Variants in ACER2 observed in about 807,000 individuals in gnomAD.
ACER2 encodes the protein alkaline ceramidase 2.
In ACER2, 26 loss-of-function variants were observed where a neutral mutation model predicts 34.7. The observed-to-expected ratio is 0.75, with a 90% CI of 0.55 to 1.04. ACER2 has a LOEUF of 1.04. ACER2 is among the 50% of genes least tolerant of loss of function. ACER2 has a pLI of 0.00. For synonymous variants in ACER2, 138 were observed against 132.1 expected (o/e 1.04, Z -0.31); for missense variants, 352 against 340.8 (o/e 1.03, Z -0.26).
At chr9:19,436,030 CAG>C (rs1830958330) in intron 4 of ACER2, among the ~76,000 whole-genome samples, 1 of 151,814 alleles carries the variant, frequency 6.6e-6, no homozygotes, top group Admixed American at 6.6e-5. Context: ...GCCTGGGTGA[CAG>C]AGCGAGACTC....
rs947113096 is a variant in ACER2 at position 19,446,633 on chromosome 9, C to G, written c.641+215C>G. ...GAGCAGGCTTAGCCGGAACGAAAGGCCTGATTGTCATGCTTAGGTCTGCAG... is the reference window on the plus strand; with the variant it reads ...GAGCAGGCTTAGCCGGAACGAAAGGGCTGATTGTCATGCTTAGGTCTGCAG... On this transcript the variant is annotated intron_variant, in intron 5 of 5. Coordinates refer to ENST00000340967, the MANE Select transcript of ACER2 (RefSeq NM_001010887.3). The G allele has an allele frequency of 1.4e-5, 14 of 985,392 alleles. No homozygotes were observed. In the African/African-American group the frequency reaches 2.4e-4, roughly 17 times the overall value. The allele number at this position is 985,392 out of a possible 1,614,324, so 61.0% of individuals were successfully genotyped here. A position where few individuals can be genotyped will look rare whatever the true frequency, so the allele number is the denominator to read the frequency against.
At position 19,451,537 on chromosome 9, in the gene ACER2, TA is replaced by T. The variant is rs1356076359; in HGVS notation, c.*902del. 6.6e-6 allele frequency: 1 copy of T among 152,664 alleles called. No individual in the cohort carries two copies. Among genetic ancestry groups the T allele is most frequent in the African/African-American group, 2.4e-5 (1 of 41,454 alleles). 9.5% of individuals were successfully genotyped at this position (152,664 alleles called of 1,614,324 possible). A position where few individuals can be genotyped will look rare whatever the true frequency, so the allele number is the denominator to read the frequency against. ...CTCTGCCAAAACCTACACTCCACTT[TA>T]GGCCCTTCTTGAAGATGAGCACAAT... On this transcript the variant is annotated 3_prime_UTR_variant, in exon 6 of 6. Coordinates refer to ENST00000340967, the MANE Select transcript of ACER2 (RefSeq NM_001010887.3).
At chr9:19,449,545 A>T (rs1831488128) in intron 5 of ACER2, among the ~76,000 whole-genome samples, 1 of 152,078 alleles carries the variant, frequency 6.6e-6, no homozygotes, top group Non-Finnish European at 1.5e-5. Flanking sequence ...ATTTTGTGTA[A>T]TTTTTAAAAA....
intron 4 of ACER2, among the ~76,000 whole-genome samples, chr9:19,436,442 A>G (rs1201645030): frequency 1.3e-5 from 2 of 152,236 alleles, no homozygotes; most frequent in African/African-American, 4.8e-5. Flanking sequence ...TTTATGTACT[A>G]AATAAAAATA....
At chr9:19,446,851 G>A (rs1382708164) in intron 5 of ACER2, among the ~76,000 whole-genome samples, 1 of 152,064 alleles carries the variant, frequency 6.6e-6, no homozygotes, top group Non-Finnish European at 1.5e-5. Context: ...AGGAGGGGCC[G>A]CACTGGCCAT....
intron 1 of ACER2, among the ~76,000 whole-genome samples, chr9:19,413,834 A>C (rs1346466200): frequency 6.6e-6 from 1 of 152,200 alleles, no homozygotes; most frequent in South Asian, 2.1e-4. Context: ...CCAGTCATCA[A>C]GATAAATAGA....
rs1051155016 is a variant in ACER2, at chr9:19,429,076, C to A, written c.365+4235C>A. ...GTGCTGGGATTACAGGCATGAGCCA[C>A]TGTGCCTGGCCTGAATTTTTTATTG... On this transcript the variant is annotated intron_variant, in intron 3 of 5. Coordinates refer to ENST00000340967, the MANE Select transcript of ACER2 (RefSeq NM_001010887.3). 5.9e-5 allele frequency among the ~76,000 whole-genome samples: 9 copies of A among 152,118 alleles called. No individual in the cohort carries two copies. The East Asian group carries it at 7.7e-4, about 13-fold the overall frequency.
chr9:19,423,804 T>G, intron 1 of ACER2, 58 bp from the exon 2 acceptor site: 1 of 1,346,202 alleles, frequency 7.4e-7, no homozygotes, highest in South Asian at 1.2e-5. Context: ...GAGGCCACTT[T>G]ATTTTTTGCC....
chr9:19,450,528 G>A lies in ACER2; in HGVS notation c.720G>A (p.Glu240=), dbSNP rs1831531303. 1.9e-6 allele frequency: 3 copies of A among 1,612,286 alleles called. No individual in the cohort carries two copies. The highest frequency in any genetic ancestry group is 1.1e-5 in the South Asian group (1 of 90,900). The change falls in exon 6 of 6, where the codon GAG becomes GAA. Residue 240 remains glutamate (E), a synonymous_variant. Coordinates refer to ENST00000340967, the MANE Select transcript of ACER2 (RefSeq NM_001010887.3). The part of the protein sequence containing the change: ...AYFDAASEIP[E]QGPVIKFWPN... ...TTGATGCTGCCTCAGAGATTCCTGA[G>A]CAAGGCCCTGTCATCAAGTTCTGGC...
chr9:19,436,035 C>T (rs1382197929), intron 4 of ACER2, among the ~76,000 whole-genome samples: 2 of 151,506 alleles, frequency 1.3e-5, no homozygotes, highest in African/African-American at 2.4e-5. Context: ...GGTGACAGAG[C>T]GAGACTCTAT....
intron 1 of ACER2, among the ~76,000 whole-genome samples, chr9:19,415,705 T>C (rs1247987731): frequency 2.0e-5 from 3 of 152,132 alleles, no homozygotes; most frequent in Non-Finnish European, 1.5e-5. Flanking sequence ...TGGGAGTAGA[T>C]AGTTGCACTT....
At chr9:19,434,861 C>T in intron 3 of ACER2, 86 bp from the exon 4 acceptor site, 2 of 1,519,474 alleles carry the variant, frequency 1.3e-6, no homozygotes, top group Non-Finnish European at 1.8e-6. Flanking sequence ...GTATTTCTGG[C>T]AATGCCTGTA....
At chr9:19,422,622 A>G (rs1310988247) in intron 1 of ACER2, among the ~76,000 whole-genome samples, 1 of 152,084 alleles carries the variant, frequency 6.6e-6, no homozygotes, top group Non-Finnish European at 1.5e-5. Context: ...ACAGGGGAAA[A>G]GGCTGGCTTG....
At chr9:19,434,601 T>C (rs535426464) in intron 3 of ACER2, among the ~76,000 whole-genome samples, 12 of 152,228 alleles carry the variant, frequency 7.9e-5, no homozygotes, top group Non-Finnish European at 1.6e-4. Flanking sequence ...CGAAACCCCG[T>C]CTCCACCAAA....
At chr9:19,448,344 C>G (rs1321052242) in intron 5 of ACER2, among the ~76,000 whole-genome samples, 7 of 152,072 alleles carry the variant, frequency 4.6e-5, no homozygotes, top group Non-Finnish European at 1.0e-4. Context: ...ATACTTAAAT[C>G]TATACTACAT....
intron 5 of ACER2, among the ~76,000 whole-genome samples, chr9:19,448,706 G>A (rs1831459630): frequency 1.3e-5 from 2 of 152,132 alleles, no homozygotes; most frequent in South Asian, 4.1e-4. Flanking sequence ...ACCTGTTTGA[G>A]AAAAATTATA....
intron 3 of ACER2, among the ~76,000 whole-genome samples, chr9:19,432,062 C>T (rs1438008529): frequency 2.0e-5 from 3 of 152,188 alleles, no homozygotes; most frequent in African/African-American, 7.2e-5. Flanking sequence ...AAATGGGTCC[C>T]AGGGAGAGAA....
chr9:19,415,783 A>G (rs1010172164), intron 1 of ACER2, among the ~76,000 whole-genome samples: 1 of 152,156 alleles, frequency 6.6e-6, no homozygotes, highest in African/African-American at 2.4e-5. Context: ...ATCGCAATGC[A>G]TTATATTTCT....
Position 19,409,034 on chromosome 9 carries a change from C to A in ACER2, c.-51C>A. The A allele has an allele frequency of 2.7e-6, 4 of 1,485,588 alleles. No individual in the cohort carries two copies. The highest frequency in any genetic ancestry group is 1.3e-5 in the South Asian group (1 of 79,538). The allele number at this position is 1,485,588 out of a possible 1,614,324, so 92.0% of individuals were successfully genotyped here. On this transcript the variant is annotated 5_prime_UTR_variant, in exon 1 of 6. In the 5' UTR this introduces an upstream ATG that the reference lacks. Coordinates refer to ENST00000340967, the MANE Select transcript of ACER2 (RefSeq NM_001010887.3). ...GCCGCGTTTTGCCTCCGCAGCAGCT[C>A]TGGGCTCTTCTCAGCTGCGCGAGCA...
Sources: allele counts gnomAD v4.1 joint callset (sites outside exome capture counted in the v4.1 genomes callset), GRCh38; gene constraint gnomAD v4.1.1; transcripts MANE v1.5; gene names NCBI Gene and HGNC (gene_info 2026-07-23, HGNC 2026-07-21).